TUB: variants seen among roughly 807,000 people sequenced by gnomAD.
TUB encodes the protein TUB bipartite transcription factor.
Under a neutral mutation model 59.7 loss-of-function variants are expected in TUB, and 33 were observed. The ratio of observed to expected loss-of-function variants is 0.55; its 90% CI spans 0.42 to 0.74. The LOEUF is 0.74. Among genes scored for constraint, TUB ranks in the 30% least tolerant of loss-of-function variants. The probability of loss-of-function intolerance (pLI) is 0.00; values close to 1 mark genes in which losing one functional copy is unlikely to be tolerated. For synonymous variants in TUB, 293 were observed against 256.4 expected (o/e 1.14, Z -1.36); for missense variants, 659 against 672.0 (o/e 0.98, Z 0.21).
chr11:8,051,660 A>G (rs1247023303), intron 2 of TUB, among the ~76,000 whole-genome samples: 1 of 152,194 alleles, frequency 6.6e-6, no homozygotes, highest in Non-Finnish European at 1.5e-5. Flanking sequence ...CACTCACTTC[A>G]ATTACAGTGT....
intron 2 of TUB, among the ~76,000 whole-genome samples, chr11:8,072,289 G>A (rs1277946913): frequency 6.6e-6 from 1 of 152,176 alleles, no homozygotes; most frequent in African/African-American, 2.4e-5. Context: ...GCTTGGAGAT[G>A]CAGAGGGGGA....
intron 6 of TUB, 44 bp from the exon 7 acceptor site, chr11:8,097,184 C>T: frequency 6.2e-7 from 1 of 1,608,380 alleles, no homozygotes; most frequent in Admixed American, 1.7e-5. Context: ...ATTTGGGCTG[C>T]TTAGGGTCCT....
chr11:8,096,738 A>C lies in TUB; in HGVS notation c.619A>C (p.Ser207Arg). 1 of 1,614,078 alleles carries C rather than the reference A, an allele frequency of 6.2e-7. No homozygotes were observed. Among genetic ancestry groups the C allele is most frequent in the Non-Finnish European group, 8.5e-7 (1 of 1,179,968 alleles). Residue 207 changes from serine to arginine, a missense_variant, in exon 6 of 12, where the codon AGC becomes CGC. Ser to Arg is a moderately radical substitution (Grantham distance 110). This residue lies in a region of TUB where 321 missense variants were observed against 304.3 expected (regional missense o/e 1.05). Transcript: ENST00000299506. Reference protein sequence around the residue: ...DEDEEDEEENSSSSSQLNSNT... With the variant: ...DEDEEDEEENRSSSSQLNSNT... Reference sequence around the variant, plus strand: ...GGATGAGGAGGATGAGGAGGAGAATAGCTCCAGCTCCTCCCAGCTAAATAG... The same window carrying C: ...GGATGAGGAGGATGAGGAGGAGAATCGCTCCAGCTCCTCCCAGCTAAATAG...
chr11:8,090,230 A>C lies in TUB; in HGVS notation c.252A>C (p.Gln84His). 6.2e-7 allele frequency: 1 copy of C among 1,613,174 alleles called. No homozygotes were observed. Among genetic ancestry groups the C allele is most frequent in the South Asian group, 1.1e-5 (1 of 91,056 alleles). Residue 84 changes from glutamine (Q) to histidine (H), a missense_variant and splice_region_variant, in exon 3 of 12, where the codon CAA (glutamine) becomes CAC (histidine). Coordinates refer to ENST00000299506, the MANE Select transcript of TUB (RefSeq NM_177972.3). Reference protein sequence around the residue: ...YLSSSGSTSYQVQEADSLASV... With the variant: ...YLSSSGSTSYHVQEADSLASV... ...GCAGCAGTGGCAGCACCAGCTACCA[A>C]GGTATACCTTGCCTGCTGCCCCACA...
chr11:8,043,971 G>A (rs1019036985), intron 2 of TUB, among the ~76,000 whole-genome samples: 2 of 151,908 alleles, frequency 1.3e-5, no homozygotes, highest in African/African-American at 4.8e-5. Context: ...ATGAGCATCT[G>A]CCCCACCCCA....
At chr11:8,064,698 A>G (rs1280646658) in intron 2 of TUB, among the ~76,000 whole-genome samples, 1 of 152,220 alleles carries the variant, frequency 6.6e-6, no homozygotes, top group African/African-American at 2.4e-5. Flanking sequence ...AGTGAGGGTC[A>G]GGGGCATGAA....
chr11:8,103,590 C>T lies in TUB; in HGVS notation c.*1971C>T, dbSNP rs1339066097. On this transcript the variant is annotated 3_prime_UTR_variant, in exon 12 of 12. Coordinates refer to ENST00000299506, the MANE Select transcript of TUB (RefSeq NM_177972.3). ...CATCTCTGTGAGAGACCCCCTCCAA[C>T]GATTAGCTTTTGCAACATGGTCCAG... 2.6e-5 allele frequency: 4 copies of T among 152,650 alleles called. No homozygotes were observed. Among genetic ancestry groups the T allele is most frequent in the East Asian group, 3.9e-4 (2 of 5,184 alleles). 9.5% of individuals were successfully genotyped at this position (152,650 alleles called of 1,614,324 possible). A position where few individuals can be genotyped will look rare whatever the true frequency, so the allele number is the denominator to read the frequency against.
At chr11:8,075,565 T>G (rs1943435883) in intron 2 of TUB, 1 of 152,216 alleles carries the variant, frequency 6.6e-6, no homozygotes. Flanking sequence ...AAACTTTATT[T>G]TTGTCTCCCA....
intron 2 of TUB, among the ~76,000 whole-genome samples, chr11:8,063,078 G>A (rs1395160823): frequency 6.6e-6 from 1 of 152,198 alleles, no homozygotes; most frequent in Non-Finnish European, 1.5e-5. Flanking sequence ...GTCTGGGCCT[G>A]CTGAGGCCGG....
chr11:8,092,464 G>A (rs1943809862), intron 3 of TUB, among the ~76,000 whole-genome samples: 1 of 152,110 alleles, frequency 6.6e-6, no homozygotes, highest in Admixed American at 6.5e-5. Context: ...GCTTGTGACT[G>A]GGGCAAGCCA....
At chr11:8,053,908 G>A (rs1942973831) in intron 2 of TUB, among the ~76,000 whole-genome samples, 1 of 149,870 alleles carries the variant, frequency 6.7e-6, no homozygotes, top group Admixed American at 6.6e-5. Flanking sequence ...GAGGTCAGGA[G>A]ATCGAGACCA....
rs187478322 is a variant in TUB, at chr11:8,061,019, G to A, written c.203+21327G>A. Among the ~76,000 whole-genome samples the A allele has an allele frequency of 2.7e-3, 417 of 152,276 alleles. 2 individuals are homozygous for A. Among genetic ancestry groups the A allele is most frequent in the African/African-American group, 8.7e-3 (361 of 41,554 alleles). ...TTTGCCCCTGCCTGCTGGCTGGCTCGTCCCCAGCCCCAGGCATCAGGGTGC... is the reference window on the plus strand; with the variant it reads ...TTTGCCCCTGCCTGCTGGCTGGCTCATCCCCAGCCCCAGGCATCAGGGTGC... On this transcript the variant is annotated intron_variant, in intron 2 of 12. Transcript: ENST00000305253.
chr11:8,094,400 C>T (rs1943892270), intron 4 of TUB, among the ~76,000 whole-genome samples: 2 of 152,144 alleles, frequency 1.3e-5, no homozygotes, highest in Admixed American at 1.3e-4. Context: ...GGCATGCCTA[C>T]CACACTGCCA....
intron 1 of TUB, among the ~76,000 whole-genome samples, chr11:8,083,481 AG>A (rs1943609317): frequency 6.6e-6 from 1 of 152,174 alleles, no homozygotes; most frequent in African/African-American, 2.4e-5. Flanking sequence ...TTCCTGGGAA[AG>A]GTGGCCCAGG....
At chr11:8,078,855 A>G (rs1943493306), upstream of TUB, among the ~76,000 whole-genome samples, 2 of 151,888 alleles carry the variant, frequency 1.3e-5, no homozygotes, top group Admixed American at 6.6e-5. Flanking sequence ...GCATACACAC[A>G]TGTACACACA....
Position 8,090,160 on chromosome 11 carries a change from C to T in TUB, c.182C>T (p.Ala61Val). 4 of 1,613,564 alleles carry T rather than the reference C, an allele frequency of 2.5e-6. No homozygotes were observed. The highest frequency in any genetic ancestry group is 3.4e-6 in the Non-Finnish European group (4 of 1,179,900). Residue 61 changes from alanine to valine, a missense_variant, in exon 3 of 12, where the codon GCC becomes GTC. Ala to Val is a moderately conservative substitution (Grantham distance 64). Coordinates refer to ENST00000299506, the MANE Select transcript of TUB (RefSeq NM_177972.3). Reference protein sequence around the residue: ...NADGRPRSRRARQSEEQAPLV... With the variant: ...NADGRPRSRRVRQSEEQAPLV... ...GATGGGCGGCCCCGGAGCCGGCGGG[C>T]CCGGCAGTCAGAGGAACAAGCCCCC...
chr11:8,074,416 C>T, intron 2 of TUB, among the ~76,000 whole-genome samples: 1 of 152,086 alleles, frequency 6.6e-6, no homozygotes, highest in Admixed American at 6.6e-5. Flanking sequence ...TGTATTCCAT[C>T]TGATAAATCC....
chr11:8,032,103 C>CCGCCTGGGGAAAGGCCGGGAG (rs879340280), intron 1 of TUB, among the ~76,000 whole-genome samples: 6 of 151,810 alleles, frequency 4.0e-5, no homozygotes, highest in Non-Finnish European at 8.8e-5. Flanking sequence ...GGTGAGTGTC[C>CCGCCTGGGGAAAGGCCGGGAG]CGCCTGGGGA....
chr11:8,103,743 A>G lies in TUB; in HGVS notation c.*2124A>G, dbSNP rs941885219. On this transcript the variant is annotated 3_prime_UTR_variant, in exon 12 of 12. Transcript: ENST00000299506. ...AGAGATCTTCATGGTGACATTTGAGATGATGGAAACTAGATCGTCTCTAAT... is the reference window on the plus strand; with the variant it reads ...AGAGATCTTCATGGTGACATTTGAGGTGATGGAAACTAGATCGTCTCTAAT... 6.6e-6 allele frequency: 1 copy of G among 152,638 alleles called. No homozygotes were observed. Among genetic ancestry groups the G allele is most frequent in the Non-Finnish European group, 1.5e-5 (1 of 68,056 alleles). 9.5% of individuals were successfully genotyped at this position (152,638 alleles called of 1,614,324 possible).
Sources: allele counts gnomAD v4.1 joint callset (sites outside exome capture counted in the v4.1 genomes callset), GRCh38; gene constraint gnomAD v4.1.1; regional missense constraint gnomAD v4.1.1; transcripts MANE v1.5; gene names NCBI Gene and HGNC (gene_info 2026-07-23, HGNC 2026-07-21).